CACNA2D3: variants seen among roughly 807,000 people sequenced by gnomAD.
CACNA2D3 encodes the protein voltage-dependent calcium channel subunit alpha-2/delta-3.
A neutral mutation model predicts 160.6 loss-of-function variants in CACNA2D3; 60 were observed. That is an observed-to-expected ratio of 0.37 (90% CI 0.30 to 0.46). The LOEUF (loss-of-function observed/expected upper bound fraction) is 0.46. CACNA2D3 is among the 20% of genes least tolerant of loss of function. The pLI is 1.00. For missense variants in CACNA2D3, 1,205 were observed against 1,365.0 expected (o/e 0.88, Z 1.85); for synonymous variants, 558 against 492.9 (o/e 1.13, Z -1.75).
At chr3:54,992,454 T>A (rs543825597) in intron 31 of CACNA2D3, among the ~76,000 whole-genome samples, 22 of 152,102 alleles carry the variant, frequency 1.4e-4, no homozygotes, top group African/African-American at 5.3e-4. Flanking sequence ...ACAGGGGAGA[T>A]CCCTGCAGGA....
rs144296557 is a variant in CACNA2D3, at chr3:54,853,995, C to A, written c.1626+7528C>A. Reference sequence around the variant, plus strand: ...CTGCTGCTGAACTGAAAGAGACTGTCCAGTAGGTGGCGCGCGGGCACCGCC... The same window carrying A: ...CTGCTGCTGAACTGAAAGAGACTGTACAGTAGGTGGCGCGCGGGCACCGCC... On this transcript the variant is annotated intron_variant, in intron 17 of 37. Coordinates refer to ENST00000474759, the MANE Select transcript of CACNA2D3 (RefSeq NM_018398.3). Among the ~76,000 whole-genome samples the A allele has an allele frequency of 3.7e-3, 569 of 152,238 alleles. 3 individuals carry two copies. Among genetic ancestry groups the A allele is most frequent in the African/African-American group, 0.013 (553 of 41,554 alleles).
intron 4 of CACNA2D3, among the ~76,000 whole-genome samples, chr3:54,473,264 CA>C (rs1700769343): frequency 6.6e-6 from 1 of 152,004 alleles, no homozygotes; most frequent in Non-Finnish European, 1.5e-5. Flanking sequence ...ACAAACCTGA[CA>C]AAAATAAGCA....
intron 5 of CACNA2D3, among the ~76,000 whole-genome samples, chr3:54,507,785 C>T (rs775288856): frequency 2.0e-5 from 3 of 152,154 alleles, no homozygotes; most frequent in Non-Finnish European, 4.4e-5. Flanking sequence ...CCCACTGACC[C>T]CAGGGTTGCC....
intron 2 of CACNA2D3, among the ~76,000 whole-genome samples, chr3:54,280,795 T>A (rs943966453): frequency 2.0e-5 from 3 of 152,186 alleles, no homozygotes; most frequent in Admixed American, 6.5e-5. Flanking sequence ...CTTTCTTAGC[T>A]AACGATTCCT....
chr3:54,350,976 TTTTTTGTTTG>T lies in CACNA2D3; in HGVS notation c.321+30424_321+30433del, dbSNP rs1248407987. The stretch of plus-strand genomic sequence containing the variant: ...TTTGAGATCTTGAGTCTGTTTTTTT[TTTTTTGTTTG>T]TTTTTTTTTTTTTTTTTTTTGAGAC... On this transcript the variant is annotated intron_variant, in intron 3 of 37. Coordinates refer to ENST00000474759, the MANE Select transcript of CACNA2D3 (RefSeq NM_018398.3). Among the ~76,000 whole-genome samples the T allele has an allele frequency of 8.6e-3, 389 of 45,152 alleles. 72 individuals carry two copies. The highest frequency in any genetic ancestry group is 0.018 in the African/African-American group (211 of 11,826). 29.6% of individuals were successfully genotyped at this position (45,152 alleles called of 152,430 possible).
chr3:54,898,377 C>G (rs1265020909), intron 26 of CACNA2D3, among the ~76,000 whole-genome samples: 1 of 151,978 alleles, frequency 6.6e-6, no homozygotes, highest in African/African-American at 2.4e-5. Context: ...CACCCGCCAC[C>G]ATACCCAGCT....
At chr3:54,618,379 A>G (rs865953977) in intron 9 of CACNA2D3, among the ~76,000 whole-genome samples, 2 of 141,612 alleles carry the variant, frequency 1.4e-5, no homozygotes, top group Non-Finnish European at 1.5e-5. Flanking sequence ...ATATATGCAC[A>G]CACACACACA....
In CACNA2D3 at chr3:54,682,720, ATACATCTGGAAAGC is replaced by A. The variant is rs1303416620; in HGVS notation, c.1167+40493_1167+40506del. 2.0e-4 allele frequency among the ~76,000 whole-genome samples: 30 copies of A among 152,334 alleles called. 1 individual carries two copies. Among genetic ancestry groups the A allele is most frequent in the South Asian group, 8.3e-4 (4 of 4,824 alleles). On this transcript the variant is annotated intron_variant, in intron 11 of 37. Transcript: ENST00000474759. ...CCTTTAAATATACTCTATTTTATAA[ATACATCTGGAAAGC>A]TACATCTGGAAAGGAAGATTAAAAT...
intron 3 of CACNA2D3, among the ~76,000 whole-genome samples, chr3:54,370,076 T>C (rs73081689): frequency 0.074 from 11,334 of 152,306 alleles, 610 homozygotes; most frequent in South Asian, 0.11. Context: ...ATTTTTGGAA[T>C]GAGGTGGGCT....
At chr3:54,135,032 G>A (rs1277731495) in intron 2 of CACNA2D3, among the ~76,000 whole-genome samples, 1 of 152,224 alleles carries the variant, frequency 6.6e-6, no homozygotes, top group Non-Finnish European at 1.5e-5. Context: ...TCCATAAAGC[G>A]CTTGAGTGCC....
At chr3:54,590,820 T>C (rs17054186) in intron 9 of CACNA2D3, among the ~76,000 whole-genome samples, 1,553 of 152,230 alleles carry the variant, frequency 0.01, 36 homozygotes, top group African/African-American at 0.035. Context: ...AAAAATAATC[T>C]GCAGTAGGTG....
At chr3:54,939,537 CT>C (rs1431915922) in intron 27 of CACNA2D3, among the ~76,000 whole-genome samples, 1 of 152,234 alleles carries the variant, frequency 6.6e-6, no homozygotes, top group African/African-American at 2.4e-5. Context: ...GGGCAGCCTG[CT>C]GTCTGTCTGC....
chr3:54,403,910 C>A (rs1699523515), intron 4 of CACNA2D3, among the ~76,000 whole-genome samples: 1 of 152,084 alleles, frequency 6.6e-6, no homozygotes, highest in Non-Finnish European at 1.5e-5. Context: ...TAAATTCTTT[C>A]TAAAACCAAG....
intron 2 of CACNA2D3, among the ~76,000 whole-genome samples, chr3:54,311,120 C>T (rs1268797742): frequency 6.6e-6 from 1 of 152,170 alleles, no homozygotes; most frequent in Non-Finnish European, 1.5e-5. Context: ...GTCAGCAGCA[C>T]AGCAGCAATA....
intron 27 of CACNA2D3, among the ~76,000 whole-genome samples, chr3:54,944,535 G>A (rs564829708): frequency 1.1e-4 from 16 of 151,918 alleles, no homozygotes; most frequent in South Asian, 1.0e-3. Context: ...ATTCCCCTGC[G>A]TCAGCCTCCT....
At chr3:55,049,031 T>G (rs1704126167) in intron 35 of CACNA2D3, among the ~76,000 whole-genome samples, 1 of 150,628 alleles carries the variant, frequency 6.6e-6, no homozygotes, top group Admixed American at 6.6e-5. Flanking sequence ...CTATCAATTT[T>G]GTTGATCCTT....
At chr3:54,602,516 A>G (rs1199762914) in intron 9 of CACNA2D3, among the ~76,000 whole-genome samples, 1 of 151,536 alleles carries the variant, frequency 6.6e-6, no homozygotes, top group Non-Finnish European at 1.5e-5. Context: ...AAAAAAAAAA[A>G]AAAAAGGGAA....
intron 11 of CACNA2D3, among the ~76,000 whole-genome samples, chr3:54,709,954 A>C (rs890288965): frequency 1.3e-5 from 2 of 152,122 alleles, no homozygotes; most frequent in African/African-American, 4.8e-5. Context: ...GTCGCCTACC[A>C]CCTGGTAGAG....
chr3:54,475,809 T>TTGTGTG lies in CACNA2D3; in HGVS notation c.382-27660_382-27655dup, dbSNP rs3030044. 3.5e-3 allele frequency among the ~76,000 whole-genome samples: 496 copies of TTGTGTG among 142,818 alleles called. 3 individuals carry two copies. Among genetic ancestry groups the TTGTGTG allele is most frequent in the African/African-American group, 0.011 (411 of 38,284 alleles). 93.7% of individuals were successfully genotyped at this position (142,818 alleles called of 152,430 possible). On this transcript the variant is annotated intron_variant, in intron 4 of 37. Coordinates refer to ENST00000474759, the MANE Select transcript of CACNA2D3 (RefSeq NM_018398.3). ...ATCCATCTTCTCACATGGTTACCAT[T>TTGTGTG]TGTGTGTGTGTGTGTGTGTGTGTGT...
Sources: gnomAD v4.1 joint callset for allele counts (sites outside exome capture counted in the v4.1 genomes callset) on GRCh38, gnomAD v4.1.1 for gene constraint, MANE v1.5 for transcripts, NCBI Gene and HGNC (gene_info 2026-07-23, HGNC 2026-07-21) for gene names.